BICC1: variants seen among roughly 807,000 people sequenced by gnomAD.
BICC1 encodes protein bicaudal C homolog 1.
A neutral mutation model predicts 111.0 loss-of-function variants in BICC1; 43 were observed. The ratio of observed to expected loss-of-function variants is 0.39; its 90% CI spans 0.30 to 0.50. The LOEUF (loss-of-function observed/expected upper bound fraction) is 0.50, where lower values mean the gene tolerates loss of function less well. Among genes scored for constraint, BICC1 ranks in the 20% least tolerant of loss-of-function variants. The pLI is 0.88. For missense variants in BICC1, 1,091 were observed against 1,203.2 expected, an observed-to-expected ratio of 0.91 and a Z score of 1.38; for synonymous variants, 467 against 434.4, an observed-to-expected ratio of 1.07 and a Z score of -0.93.
At chr10:58,705,805 T>C (rs964803701) in intron 3 of BICC1, among the ~76,000 whole-genome samples, 1 of 152,200 alleles carries the variant, frequency 6.6e-6, no homozygotes, top group Admixed American at 6.5e-5. Context: ...ACACAGATAG[T>C]GAACATGGTA....
intron 1 of BICC1, among the ~76,000 whole-genome samples, chr10:58,588,527 A>C (rs907542059): frequency 6.6e-6 from 1 of 152,148 alleles, no homozygotes; most frequent in Non-Finnish European, 1.5e-5. Flanking sequence ...ATTCCAGCTT[A>C]GATCTCTACT....
chr10:58,559,124 C>T (rs950598839), intron 1 of BICC1, among the ~76,000 whole-genome samples: 5 of 151,904 alleles, frequency 3.3e-5, no homozygotes, highest in Middle Eastern at 3.4e-3. Flanking sequence ...AGGACTTTTA[C>T]TTTCATAATT....
chr10:58,640,756 A>G (rs1297156831), intron 2 of BICC1, among the ~76,000 whole-genome samples: 3 of 152,250 alleles, frequency 2.0e-5, no homozygotes. Flanking sequence ...GACAAAGTAT[A>G]GAGAAATGAG....
chr10:58,781,343 C>T (rs1842879653), intron 3 of BICC1, among the ~76,000 whole-genome samples: 1 of 152,134 alleles, frequency 6.6e-6, no homozygotes, highest in South Asian at 2.1e-4. Flanking sequence ...TTATAGGTGC[C>T]ATCCGTTCAT....
intron 3 of BICC1, chr10:58,716,251 A>G (rs1308648588): frequency 1.3e-5 from 19 of 1,498,012 alleles, no homozygotes; most frequent in Non-Finnish European, 1.6e-5. Flanking sequence ...ACACAGTAAG[A>G]AGAAAAGGCT....
chr10:58,816,551 T>G (rs1221444679), intron 18 of BICC1, among the ~76,000 whole-genome samples: 1 of 152,090 alleles, frequency 6.6e-6, no homozygotes, highest in Non-Finnish European at 1.5e-5. Context: ...ATTCCTAGAT[T>G]TGGCAGACAC....
intron 1 of BICC1, among the ~76,000 whole-genome samples, chr10:58,573,233 G>C (rs1289358111): frequency 2.0e-5 from 3 of 152,090 alleles, no homozygotes; most frequent in Admixed American, 2.0e-4. Flanking sequence ...TCAGTTTATA[G>C]CATGTGTAAG....
intron 2 of BICC1, among the ~76,000 whole-genome samples, chr10:58,679,557 C>CA (rs1316411689): frequency 6.6e-6 from 1 of 151,948 alleles, no homozygotes; most frequent in Non-Finnish European, 1.5e-5. Flanking sequence ...GCTTACCAAC[C>CA]AAAAAAAGCC....
intron 3 of BICC1, among the ~76,000 whole-genome samples, chr10:58,759,920 C>G (rs1228487559): frequency 6.7e-6 from 1 of 149,402 alleles, no homozygotes; most frequent in African/African-American, 2.5e-5. Flanking sequence ...GATCGCGCTA[C>G]CACACTCCAG....
intron 10 of BICC1, 22 bp downstream of exon 10, chr10:58,796,548 C>T (rs756977136): frequency 3.0e-5 from 48 of 1,586,580 alleles, no homozygotes; most frequent in East Asian, 1.4e-4. Context: ...ATTATTACAG[C>T]GCGTCTCAGT....
intron 1 of BICC1, among the ~76,000 whole-genome samples, chr10:58,522,995 C>T (rs1256620346): frequency 2.6e-5 from 4 of 152,124 alleles, no homozygotes; most frequent in Non-Finnish European, 5.9e-5. Context: ...CCTCCCAAGA[C>T]TAAACCAGGA....
intron 2 of BICC1, among the ~76,000 whole-genome samples, chr10:58,694,755 C>A (rs1054793676): frequency 6.6e-6 from 1 of 152,054 alleles, no homozygotes; most frequent in Non-Finnish European, 1.5e-5. Context: ...GTTTGGGAAC[C>A]ATTTGGGGGC....
At chr10:58,828,682 T>G (rs1564635938) in intron 20 of BICC1, 79 bp from the exon 21 acceptor site, 10 of 1,452,222 alleles carry the variant, frequency 6.9e-6, no homozygotes, top group Non-Finnish European at 9.2e-6. Flanking sequence ...GTCACCATTT[T>G]CTGAGCTCTA....
chr10:58,787,376 G>C (rs968161204), intron 5 of BICC1, among the ~76,000 whole-genome samples: 1 of 152,116 alleles, frequency 6.6e-6, no homozygotes, highest in African/African-American at 2.4e-5. Flanking sequence ...ATATCGTTTA[G>C]GACCTGGAAG....
Position 58,692,176 on chromosome 10 carries a change from A to AAG in BICC1, c.238-9882_238-9881dup, listed in dbSNP as rs142123414. Reference sequence around the variant, plus strand: ...CAATATACTGAGTATGAGAGAGAGAAAGAGAGAGAGAGAGAGACAGGTGAC... The same window carrying AAG: ...CAATATACTGAGTATGAGAGAGAGAAAGAGAGAGAGAGAGAGAGACAGGTGAC... On this transcript the variant is annotated intron_variant, in intron 2 of 20. Transcript: ENST00000373886. Among the ~76,000 whole-genome samples the AAG allele has an allele frequency of 8.2e-5, 12 of 146,538 alleles. No individual in the cohort carries two copies. In the South Asian group the frequency reaches 8.4e-4, roughly 10 times the overall value.
intron 1 of BICC1, among the ~76,000 whole-genome samples, chr10:58,580,900 T>C (rs1275369490): frequency 6.6e-6 from 1 of 152,224 alleles, no homozygotes; most frequent in Non-Finnish European, 1.5e-5. Context: ...CCTTAGGATG[T>C]CTTAATGATG....
At chr10:58,581,274 TAAAAC>T (rs929313107) in intron 1 of BICC1, among the ~76,000 whole-genome samples, 17 of 152,180 alleles carry the variant, frequency 1.1e-4, no homozygotes, top group Admixed American at 4.6e-4. Context: ...TTTTGGTACT[TAAAAC>T]AGAGCCACAA....
At chr10:58,778,554 G>A (rs920546460) in intron 3 of BICC1, among the ~76,000 whole-genome samples, 1 of 152,148 alleles carries the variant, frequency 6.6e-6, no homozygotes, top group Non-Finnish European at 1.5e-5. Context: ...GTGGAAGTGG[G>A]TCATCAAAAG....
chr10:58,583,750 G>A (rs957379059), intron 1 of BICC1, among the ~76,000 whole-genome samples: 7 of 152,128 alleles, frequency 4.6e-5, no homozygotes, highest in East Asian at 1.9e-4. Context: ...GGTCTTTTTC[G>A]TATTATATAA....
Sources: gnomAD v4.1 joint callset for allele counts (sites outside exome capture counted in the v4.1 genomes callset) on GRCh38, gnomAD v4.1.1 for gene constraint, MANE v1.5 for transcripts, NCBI Gene and HGNC (gene_info 2026-07-23, HGNC 2026-07-21) for gene names.